Variants in MAP3K19 observed in about 807,000 individuals in gnomAD.
MAP3K19 encodes the protein mitogen-activated protein kinase kinase kinase 19.
Under a neutral mutation model 114.4 loss-of-function variants are expected in MAP3K19, and 91 were observed. That is an observed-to-expected ratio of 0.80 (90% confidence interval 0.67 to 0.95). MAP3K19 has a LOEUF of 0.95. Among genes scored for constraint, MAP3K19 ranks in the 40% least tolerant of loss-of-function variants. The pLI is 0.00. For missense variants in MAP3K19, 1,471 were observed against 1,573.2 expected, an observed-to-expected ratio of 0.94 and a Z score of 1.10; for synonymous variants, 518 against 530.5, an observed-to-expected ratio of 0.98 and a Z score of 0.32.
At chr2:134,998,006 G>C (rs1686148361) in intron 8 of MAP3K19, among the ~76,000 whole-genome samples, 1 of 151,978 alleles carries the variant, frequency 6.6e-6, no homozygotes, top group African/African-American at 2.4e-5. Context: ...GGTTGTTCCT[G>C]GTGGTTTTGG....
Position 134,999,446 on chromosome 2 carries a change from C to G in MAP3K19, c.315-449G>C, listed in dbSNP as rs760780079. Among the ~76,000 whole-genome samples, 2 of 152,094 alleles carry G rather than the reference C, an allele frequency of 1.3e-5. No homozygotes were observed. The highest frequency in any genetic ancestry group is 2.9e-5 in the Non-Finnish European group (2 of 67,984). ...AAATGGAAGAAAAATAAAAGACATG[C>G]AAAAAATAAGCCTCAATTTGTTTCA... On this transcript the variant is annotated intron_variant, in intron 7 of 12. Coordinates refer to ENST00000392915, the MANE Select transcript of MAP3K19 (RefSeq NM_025052.5). This position sits in a 1 kb window ranked among gnomAD's most constrained non-coding sequence, Gnocchi z 4.1.
At chr2:135,035,496 A>G (rs1488620678) in intron 2 of MAP3K19, among the ~76,000 whole-genome samples, 3 of 152,222 alleles carry the variant, frequency 2.0e-5, no homozygotes, top group African/African-American at 7.2e-5. Flanking sequence ...GGAGTTGGGA[A>G]GAAAGGATAT....
At chr2:135,034,819 T>C (rs1161745406) in intron 2 of MAP3K19, among the ~76,000 whole-genome samples, 6 of 35,778 alleles carry the variant, frequency 1.7e-4, no homozygotes, top group Non-Finnish European at 9.9e-5. Context: ...CCGTGGGCTG[T>C]GGGGAGAGGG....
Position 134,981,017 on chromosome 2 carries a change from A to C in MAP3K19, c.3724T>G (p.Ser1242Ala), listed in dbSNP as rs775856559. 4.3e-6 allele frequency: 7 copies of C among 1,614,026 alleles called. No individual in the cohort carries two copies. Among genetic ancestry groups the C allele is most frequent in the Non-Finnish European group, 5.9e-6 (7 of 1,180,042 alleles). The change falls in exon 12 of 13, where the codon TCT (serine) becomes GCT (alanine). Residue 1242 changes from serine to alanine, a missense_variant. By Grantham distance (99) the Ser-to-Ala change is moderately conservative. Transcript: ENST00000392915. The stretch of plus-strand genomic sequence containing the variant: ...ATATCTGATTTCCGTCCATAGCCAG[A>C]CTCATTGATGACTTCTGGGGCCATC... Reference protein sequence around the residue: ...YWMAPEVINESGYGRKSDIWS... With the variant: ...YWMAPEVINEAGYGRKSDIWS...
chr2:135,021,335 A>G (rs1173543279), intron 5 of MAP3K19, among the ~76,000 whole-genome samples: 1 of 152,200 alleles, frequency 6.6e-6, no homozygotes, highest in Non-Finnish European at 1.5e-5. Flanking sequence ...AGTCCAGAAG[A>G]CAGCCCTCAC....
chr2:135,006,941 G>A (rs899077503), intron 5 of MAP3K19, among the ~76,000 whole-genome samples: 1 of 151,998 alleles, frequency 6.6e-6, no homozygotes, highest in Admixed American at 6.6e-5. Flanking sequence ...ACTTTGGGAG[G>A]CCGAGATGGG....
chr2:134,983,640 G>A (rs1477930084), intron 11 of MAP3K19, 36 bp downstream of exon 11: 6 of 1,487,642 alleles, frequency 4.0e-6, no homozygotes, highest in Non-Finnish European at 5.4e-6. Context: ...GTGGGGGGGT[G>A]GGGAGTGCTG....
intron 5 of MAP3K19, among the ~76,000 whole-genome samples, chr2:135,016,163 A>G (rs984323679): frequency 6.6e-6 from 1 of 152,214 alleles, no homozygotes; most frequent in African/African-American, 2.4e-5. Flanking sequence ...AGACTGAAGC[A>G]GGAGTTTTGC....
intron 4 of MAP3K19, among the ~76,000 whole-genome samples, 156 bp downstream of exon 4, chr2:135,024,470 G>A (rs1021158411): frequency 1.2e-4 from 18 of 152,192 alleles, no homozygotes; most frequent in African/African-American, 4.3e-4. Context: ...ATCCCCCAGA[G>A]CACCTAGTCG....
chr2:135,046,230 T>C (rs1688739083), intron 1 of MAP3K19, among the ~76,000 whole-genome samples: 1 of 152,190 alleles, frequency 6.6e-6, no homozygotes, highest in African/African-American at 2.4e-5. Context: ...TTTAGGTTTT[T>C]TTCATAAGAA....
intron 6 of MAP3K19, among the ~76,000 whole-genome samples, chr2:135,004,931 G>A (rs979246413): frequency 6.6e-6 from 1 of 152,170 alleles, no homozygotes; most frequent in East Asian, 1.9e-4. Flanking sequence ...GGAAGAAATT[G>A]GGGAAAGGAT....
At chr2:135,012,890 T>C (rs189394159) in intron 5 of MAP3K19, among the ~76,000 whole-genome samples, 3 of 152,334 alleles carry the variant, frequency 2.0e-5, no homozygotes, top group Admixed American at 6.5e-5. Context: ...TATAGTATGA[T>C]TATGCTTTCT....
intron 3 of MAP3K19, among the ~76,000 whole-genome samples, chr2:135,026,641 T>A (rs1478949288): frequency 6.6e-6 from 1 of 152,134 alleles, no homozygotes; most frequent in Non-Finnish European, 1.5e-5. Flanking sequence ...TTAACCCTCT[T>A]ATTTAAAAAA....
chr2:134,977,697 A>T (rs907553007), intron 12 of MAP3K19, among the ~76,000 whole-genome samples: 1 of 151,998 alleles, frequency 6.6e-6, no homozygotes, highest in African/African-American at 2.4e-5. Context: ...GGGTCTCCCT[A>T]TGTTGCCCAG....
At chr2:135,036,773 A>T (rs1019669951) in intron 2 of MAP3K19, among the ~76,000 whole-genome samples, 2 of 152,044 alleles carry the variant, frequency 1.3e-5, no homozygotes, top group Non-Finnish European at 2.9e-5. Flanking sequence ...AGGGGACTGG[A>T]TAGAAGTTGC....
intron 12 of MAP3K19, among the ~76,000 whole-genome samples, chr2:134,979,881 G>C (rs536715495): frequency 6.6e-6 from 1 of 152,284 alleles, no homozygotes; most frequent in South Asian, 2.1e-4. Context: ...TTGGCAGAGA[G>C]GGAGACCTGT....
rs747408683 is a variant in MAP3K19, at chr2:134,987,228, T to C, written c.1644A>G (p.Thr548=). 9.3e-6 allele frequency: 15 copies of C among 1,614,036 alleles called. No individual in the cohort carries two copies. The Admixed American group carries it at 2.5e-4, about 27-fold the overall frequency. ...CAGTAGAAATCACAAAATTCTGAGG[T>C]GTCTTCTTACTTGTCTTGGTCTTTG... ...LDSKTKTSKK[T]PQNFVISTEG... The change falls in exon 10 of 13, where the codon ACA becomes ACG. Residue 548 remains threonine, a synonymous_variant. Coordinates refer to ENST00000392915, the MANE Select transcript of MAP3K19 (RefSeq NM_025052.5).
At chr2:134,976,654 A>T (rs951969170) in intron 12 of MAP3K19, among the ~76,000 whole-genome samples, 2 of 152,142 alleles carry the variant, frequency 1.3e-5, no homozygotes, top group Non-Finnish European at 2.9e-5. Context: ...TGAAAGCACA[A>T]TGGCCACCAG....
intron 8 of MAP3K19, among the ~76,000 whole-genome samples, chr2:134,997,248 T>C (rs778348303): frequency 2.6e-5 from 4 of 152,140 alleles, no homozygotes; most frequent in South Asian, 2.1e-4. Context: ...AGGACAAATA[T>C]TGCATGATTC....
Sources: allele counts gnomAD v4.1 joint callset (sites outside exome capture counted in the v4.1 genomes callset), GRCh38; gene constraint gnomAD v4.1.1; non-coding constraint Gnocchi (gnomAD v3.1); transcripts MANE v1.5; gene names NCBI Gene and HGNC (gene_info 2026-07-23, HGNC 2026-07-21).